Variants in RNF220 observed in about 807,000 individuals in gnomAD.
RNF220 encodes the protein ring finger protein 220.
RNF220 carries 7 observed loss-of-function variants against 67.1 expected under a neutral mutation model. The observed-to-expected ratio is 0.10, with a 90% CI of 0.06 to 0.20. RNF220 has a LOEUF of 0.20. Among genes scored for constraint, RNF220 ranks in the 10% least tolerant of loss-of-function variants. The pLI is 1.00. For missense variants in RNF220, 565 were observed against 740.3 expected (o/e 0.76, Z 2.75); for synonymous variants, 270 against 283.2 (o/e 0.95, Z 0.47).
At chr1:44,563,724 T>G (rs964188115) in intron 2 of RNF220, among the ~76,000 whole-genome samples, 2 of 152,186 alleles carry the variant, frequency 1.3e-5, no homozygotes, top group African/African-American at 4.8e-5. Context: ...TAGTCCATAT[T>G]TCAAAAGGTT....
chr1:44,503,333 C>CAAAAAAAAAAAAAAA (rs34103792), intron 2 of RNF220, among the ~76,000 whole-genome samples: 1 of 84,498 alleles, frequency 1.2e-5, no homozygotes, highest in Non-Finnish European at 2.2e-5. Flanking sequence ...GATGCTGTCT[C>CAAAAAAAAAAAAAAA]AAAAAAAAAA....
chr1:44,570,731 C>T (rs747770984), intron 2 of RNF220, among the ~76,000 whole-genome samples: 3 of 152,144 alleles, frequency 2.0e-5, no homozygotes, highest in East Asian at 1.9e-4. Flanking sequence ...GCTTCCTTTC[C>T]GGCCCTCCCA....
chr1:44,514,411 C>T (rs1471671355), intron 2 of RNF220, among the ~76,000 whole-genome samples: 1 of 152,150 alleles, frequency 6.6e-6, no homozygotes, highest in Non-Finnish European at 1.5e-5. Flanking sequence ...GGAAATGTAG[C>T]CTGAGAGGAA....
chr1:44,448,313 GACATTC>G (rs1652314451), intron 2 of RNF220, among the ~76,000 whole-genome samples: 1 of 152,068 alleles, frequency 6.6e-6, no homozygotes, highest in African/African-American at 2.4e-5. Context: ...TAAGTAAATC[GACATTC>G]TGGTTTTATA....
chr1:44,552,712 G>A (rs1296939943), intron 2 of RNF220, among the ~76,000 whole-genome samples: 2 of 151,214 alleles, frequency 1.3e-5, no homozygotes, highest in Admixed American at 6.6e-5. Flanking sequence ...CTGGGACTAC[G>A]GGCACCCGCC....
intron 2 of RNF220, among the ~76,000 whole-genome samples, chr1:44,552,254 C>G (rs1158362775): frequency 6.6e-6 from 1 of 152,088 alleles, no homozygotes; most frequent in Non-Finnish European, 1.5e-5. Flanking sequence ...TGTGGCGGCT[C>G]GTGCCTGTAA....
intron 2 of RNF220, among the ~76,000 whole-genome samples, chr1:44,499,274 C>T (rs993665814): frequency 2.6e-5 from 4 of 152,166 alleles, no homozygotes; most frequent in African/African-American, 9.7e-5. Flanking sequence ...TCCATTTCCC[C>T]CTGTAGCTAC....
rs1192552893 is a variant in RNF220, at chr1:44,405,394, T to C, written c.-254T>C. On this transcript the variant is annotated 5_prime_UTR_variant, in exon 1 of 15. Coordinates refer to ENST00000361799, the MANE Select transcript of RNF220 (RefSeq NM_018150.4). The stretch of plus-strand genomic sequence containing the variant: ...AGCCGCCTACTGCTGCTGCTGCTGC[T>C]GCCGCTGCCGCCGCCGCCGCCGCCG... 7 of 628,692 alleles carry C rather than the reference T, an allele frequency of 1.1e-5. No homozygotes were observed. Among genetic ancestry groups the C allele is most frequent in the Non-Finnish European group, 2.0e-5 (7 of 348,654 alleles). 38.9% of individuals were successfully genotyped at this position (628,692 alleles called of 1,614,324 possible). A position where few individuals can be genotyped will look rare whatever the true frequency, so the allele number is the denominator to read the frequency against.
At chr1:44,525,715 G>A (rs1247050222) in intron 2 of RNF220, among the ~76,000 whole-genome samples, 8 of 152,034 alleles carry the variant, frequency 5.3e-5, no homozygotes, top group South Asian at 2.1e-4. Flanking sequence ...CCTATTCTGC[G>A]TTCCTCCTGT....
chr1:44,518,612 C>T (rs887715977), intron 2 of RNF220, among the ~76,000 whole-genome samples: 1 of 152,134 alleles, frequency 6.6e-6, no homozygotes, highest in African/African-American at 2.4e-5. Context: ...CGCGGTGGCT[C>T]ACACCTGTAA....
intron 1 of RNF220, chr1:44,410,605 C>T (rs990006216): frequency 2.0e-5 from 3 of 152,214 alleles, no homozygotes; most frequent in African/African-American, 7.2e-5. Context: ...GAAATACTCT[C>T]TTTGCACTGC....
intron 2 of RNF220, among the ~76,000 whole-genome samples, chr1:44,547,545 C>T (rs968311669): frequency 3.9e-5 from 6 of 152,118 alleles, no homozygotes; most frequent in Non-Finnish European, 7.4e-5. Flanking sequence ...CCTCCTGCCA[C>T]CCTAAATAAA....
At chr1:44,575,379 C>T (rs1389999258) in intron 2 of RNF220, among the ~76,000 whole-genome samples, 3 of 152,088 alleles carry the variant, frequency 2.0e-5, no homozygotes, top group Non-Finnish European at 2.9e-5. Flanking sequence ...AAATAATATA[C>T]CACATTTTCT....
chr1:44,555,091 C>A (rs1558038696), intron 2 of RNF220, among the ~76,000 whole-genome samples: 1 of 152,132 alleles, frequency 6.6e-6, no homozygotes, highest in African/African-American at 2.4e-5. Flanking sequence ...TTTTTTGAGA[C>A]AGGGTCTCAC....
Position 44,650,010 on chromosome 1 carries a change from A to C in RNF220, c.1629+53A>C, listed in dbSNP as rs1422881649. On this transcript the variant is annotated intron_variant, in intron 14 of 14. Transcript: ENST00000361799. This position sits in a 1 kb window ranked among gnomAD's most constrained non-coding sequence, Gnocchi z 4.3. ...GGAGGCCGCTCCGGGCACTGCCCAG[A>C]TGTCTGTGCTTATGCCTGAGCCTGC... is the stretch of plus-strand genomic sequence containing the variant. 6.4e-7 allele frequency: 1 copy of C among 1,571,572 alleles called. No homozygotes were observed. The highest frequency in any genetic ancestry group is 8.7e-7 in the Non-Finnish European group (1 of 1,149,066).
intron 4 of RNF220, among the ~76,000 whole-genome samples, chr1:44,623,148 G>T (rs774680069): frequency 2.6e-5 from 4 of 152,158 alleles, no homozygotes; most frequent in African/African-American, 4.8e-5. Context: ...ATAAAGAAAT[G>T]CAGGTCAAGA....
At chr1:44,597,713 T>C (rs1012041580) in intron 2 of RNF220, among the ~76,000 whole-genome samples, 1 of 151,680 alleles carries the variant, frequency 6.6e-6, no homozygotes, top group Non-Finnish European at 1.5e-5. Flanking sequence ...CATAGAAGCC[T>C]CTCACATGCA....
chr1:44,435,512 G>A (rs991536031), intron 2 of RNF220, among the ~76,000 whole-genome samples: 35 of 152,206 alleles, frequency 2.3e-4, no homozygotes, highest in African/African-American at 8.4e-4. Flanking sequence ...TTACAGCCAT[G>A]GGGAACAAGG....
chr1:44,507,154 T>C (rs1164237508), intron 2 of RNF220, among the ~76,000 whole-genome samples: 2 of 152,170 alleles, frequency 1.3e-5, no homozygotes, highest in African/African-American at 2.4e-5. Flanking sequence ...TAACCCACCT[T>C]AGAGGAATGC....
Sources: allele counts gnomAD v4.1 joint callset (sites outside exome capture counted in the v4.1 genomes callset), GRCh38; gene constraint gnomAD v4.1.1; non-coding constraint Gnocchi (gnomAD v3.1); transcripts MANE v1.5; gene names NCBI Gene and HGNC (gene_info 2026-07-23, HGNC 2026-07-21).